Variants in MPHOSPH10 observed in about 807,000 individuals in gnomAD.
The protein encoded by MPHOSPH10 is U3 small nucleolar ribonucleoprotein MPP10.
MPHOSPH10 carries 33 observed loss-of-function variants against 77.3 expected under a neutral mutation model. That is an observed-to-expected ratio of 0.43 (90% CI 0.32 to 0.57). The LOEUF (loss-of-function observed/expected upper bound fraction) is 0.57. MPHOSPH10 is among the 20% of genes least tolerant of loss of function. MPHOSPH10 has a pLI of 0.07. For synonymous variants in MPHOSPH10, 245 were observed against 268.0 expected, an observed-to-expected ratio of 0.91 and a Z score of 0.84; for missense variants, 708 against 780.1, an observed-to-expected ratio of 0.91 and a Z score of 1.10.
intron 8 of MPHOSPH10, among the ~76,000 whole-genome samples, chr2:71,145,521 G>C (rs994774792): frequency 8.6e-5 from 11 of 128,412 alleles, no homozygotes; most frequent in African/African-American, 2.9e-4. Flanking sequence ...TTTTTTTTTG[G>C]TATATATGTA....
intron 7 of MPHOSPH10, among the ~76,000 whole-genome samples, chr2:71,142,345 G>A (rs913095306): frequency 1.2e-4 from 18 of 152,194 alleles, no homozygotes; most frequent in African/African-American, 4.3e-4. Flanking sequence ...GGTAGCTGAA[G>A]GAGGATGTGT....
rs1417743713 is a variant in MPHOSPH10, at chr2:71,133,893, T to G, written c.769-55T>G. On this transcript the variant is annotated intron_variant, in intron 2 of 10. Coordinates refer to ENST00000244230, the MANE Select transcript of MPHOSPH10 (RefSeq NM_005791.3). ...ATATACATGCAAATCTATATGCATGTGTTAATATATTTTTCTATCCCTAAT... is the reference window on the plus strand; with the variant it reads ...ATATACATGCAAATCTATATGCATGGGTTAATATATTTTTCTATCCCTAAT... The G allele has an allele frequency of 3.3e-6, 4 of 1,204,158 alleles. No homozygotes were observed. In the African/African-American group the frequency reaches 6.2e-5, roughly 19 times the overall value. The allele number at this position is 1,204,158 out of a possible 1,614,324, so 74.6% of individuals were successfully genotyped here. A position where few individuals can be genotyped will look rare whatever the true frequency, so the allele number is the denominator to read the frequency against.
intron 8 of MPHOSPH10, among the ~76,000 whole-genome samples, chr2:71,145,848 G>T (rs550426432): frequency 2.0e-5 from 3 of 152,238 alleles, no homozygotes; most frequent in African/African-American, 7.2e-5. Flanking sequence ...TGGCCCAGTA[G>T]GCTGCACTTC....
At chr2:71,147,197 A>C (rs946649169) in intron 8 of MPHOSPH10, among the ~76,000 whole-genome samples, 1 of 152,090 alleles carries the variant, frequency 6.6e-6, no homozygotes, top group Non-Finnish European at 1.5e-5. Context: ...ATCTTTTTCC[A>C]TATACTTCTT....
chr2:71,133,661 G>A (rs2103661166), intron 2 of MPHOSPH10, 85 bp downstream of exon 2: 1 of 1,358,158 alleles, frequency 7.4e-7, no homozygotes, highest in Non-Finnish European at 1.0e-6. Context: ...ATTGTAGTTA[G>A]AAGATTTAGT....
intron 8 of MPHOSPH10, among the ~76,000 whole-genome samples, chr2:71,147,139 A>G (rs1673731058): frequency 6.6e-6 from 1 of 152,218 alleles, no homozygotes; most frequent in African/African-American, 2.4e-5. Flanking sequence ...GAGGAAATTT[A>G]TCAGTAGTCT....
At chr2:71,133,613 CAAATTAG>C (rs762571664) in intron 2 of MPHOSPH10, 37 bp downstream of exon 2, 1 of 1,509,596 alleles carries the variant, frequency 6.6e-7, no homozygotes. Flanking sequence ...CTTTCCTCCT[CAAATTAG>C]CTTTTCTTCT....
chr2:71,140,958 A>G (rs1673599469), intron 6 of MPHOSPH10, among the ~76,000 whole-genome samples: 1 of 152,112 alleles, frequency 6.6e-6, no homozygotes, highest in Non-Finnish European at 1.5e-5. Context: ...TATTTGAGTA[A>G]TGGTTTCTTT....
At chr2:71,145,696 G>A (rs966195962) in intron 8 of MPHOSPH10, among the ~76,000 whole-genome samples, 1 of 152,154 alleles carries the variant, frequency 6.6e-6, no homozygotes, top group Admixed American at 6.5e-5. Context: ...GATGAAGGAC[G>A]TGGGCCTTTC....
At chr2:71,135,702 CTT>C (rs781167523) in intron 4 of MPHOSPH10, among the ~76,000 whole-genome samples, 12 of 130,638 alleles carry the variant, frequency 9.2e-5, no homozygotes, top group Non-Finnish European at 1.6e-4. Context: ...TTTTCTTTTT[CTT>C]TTTTTTTTTT....
chr2:71,134,228 G>C lies in MPHOSPH10; in HGVS notation c.926+123G>C, dbSNP rs554641542. 6.2e-6 allele frequency: 6 copies of C among 966,464 alleles called. No homozygotes were observed. The South Asian group carries it at 1.4e-4, about 22-fold the overall frequency. 59.9% of individuals were successfully genotyped at this position (966,464 alleles called of 1,614,324 possible). A position where few individuals can be genotyped will look rare whatever the true frequency, so the allele number is the denominator to read the frequency against. On this transcript the variant is annotated intron_variant, in intron 3 of 10. Coordinates refer to ENST00000244230, the MANE Select transcript of MPHOSPH10 (RefSeq NM_005791.3). ...ATTCTCTAATATCAGATATTCTCAAGATAGCCAGAGGAAAGTCTCTGACTG... is the reference window on the plus strand; with the variant it reads ...ATTCTCTAATATCAGATATTCTCAACATAGCCAGAGGAAAGTCTCTGACTG...
chr2:71,143,922 T>G (rs1168893309), intron 7 of MPHOSPH10, among the ~76,000 whole-genome samples: 1 of 152,246 alleles, frequency 6.6e-6, no homozygotes, highest in African/African-American at 2.4e-5. Context: ...TTTGAGTATC[T>G]ATTTTTAATC....
chr2:71,145,608 G>C (rs1673691484), intron 8 of MPHOSPH10, among the ~76,000 whole-genome samples: 1 of 151,742 alleles, frequency 6.6e-6, no homozygotes, highest in Non-Finnish European at 1.5e-5. Context: ...CAAAGTCCCT[G>C]CTATGGGCTG....
In MPHOSPH10 at chr2:71,141,380, C is replaced by T. The variant is rs779467366; in HGVS notation, c.1446+11C>T. ...ATCAAACTCAACCAGGTGAGGAAGC[C>T]TGTAAGGCCAAGCCATTATTATTAA... On this transcript the variant is annotated intron_variant, in intron 7 of 10. Coordinates refer to ENST00000244230, the MANE Select transcript of MPHOSPH10 (RefSeq NM_005791.3). 1 of 1,501,372 alleles carries T rather than the reference C, an allele frequency of 6.7e-7. No individual in the cohort carries two copies. Among genetic ancestry groups the T allele is most frequent in the South Asian group, 1.4e-5 (1 of 70,756 alleles). 93.0% of individuals were successfully genotyped at this position (1,501,372 alleles called of 1,614,324 possible). A position where few individuals can be genotyped will look rare whatever the true frequency, so the allele number is the denominator to read the frequency against.
chr2:71,133,843 A>C lies in MPHOSPH10; in HGVS notation c.769-105A>C, dbSNP rs977398. 268,016 of 903,840 alleles carry C rather than the reference A, an allele frequency of 0.3. 41,071 individuals carry two copies. The highest frequency in any genetic ancestry group is 0.39 in the Admixed American group (11,303 of 29,110). 56.0% of individuals were successfully genotyped at this position (903,840 alleles called of 1,614,324 possible). On this transcript the variant is annotated intron_variant, in intron 2 of 10. Coordinates refer to ENST00000244230, the MANE Select transcript of MPHOSPH10 (RefSeq NM_005791.3). Reference sequence around the variant, plus strand: ...TAGTTATTAGCTTGTAGTGTTATTAAGTCAGAAAGTAATATATACATACAA... The same window carrying C: ...TAGTTATTAGCTTGTAGTGTTATTACGTCAGAAAGTAATATATACATACAA...
chr2:71,136,617 G>T (rs1673496120), intron 4 of MPHOSPH10, among the ~76,000 whole-genome samples: 1 of 151,994 alleles, frequency 6.6e-6, no homozygotes, highest in Non-Finnish European at 1.5e-5. Context: ...ATCCATGGTT[G>T]TCAGATTGTC....
Position 71,132,910 on chromosome 2 carries a change from A to C in MPHOSPH10, c.102A>C (p.Gly34=). 1 of 1,606,726 alleles carries C rather than the reference A, an allele frequency of 6.2e-7. No homozygotes were observed. The highest frequency in any genetic ancestry group is 8.5e-7 in the Non-Finnish European group (1 of 1,175,064). The change falls in exon 2 of 11, where the codon GGA becomes GGC. Residue 34 remains glycine (G), a synonymous_variant. Transcript: ENST00000244230. ...RPECFLTIQE[G]LASKFTSLTK... is the part of the protein sequence containing the mutation. The stretch of plus-strand genomic sequence containing the variant: ...TTCCTCCCAATAGGATTCAAGAGGG[A>C]TTGGCATCAAAGTTCACTTCTTTAA...
intron 4 of MPHOSPH10, 150 bp from the exon 5 acceptor site, chr2:71,138,340 G>T: frequency 1.6e-6 from 1 of 622,282 alleles, no homozygotes; most frequent in African/African-American, 1.8e-5. Context: ...GCAGAAATAG[G>T]AAGTCATCGA....
intron 7 of MPHOSPH10, among the ~76,000 whole-genome samples, chr2:71,144,043 TCCTA>T (rs1452590150): frequency 3.3e-5 from 5 of 152,238 alleles, no homozygotes; most frequent in Non-Finnish European, 5.9e-5. Flanking sequence ...CATTTTACAT[TCCTA>T]CCTATCAACA....
Sources: gnomAD v4.1 joint callset for allele counts (sites outside exome capture counted in the v4.1 genomes callset) on GRCh38, gnomAD v4.1.1 for gene constraint, MANE v1.5 for transcripts, NCBI Gene and HGNC (gene_info 2026-07-23, HGNC 2026-07-21) for gene names.